LEMD1: variants seen among roughly 807,000 people sequenced by gnomAD.
The protein encoded by LEMD1 is LEM domain containing 1.
A neutral mutation model predicts 17.4 loss-of-function variants in LEMD1; 18 were observed. That is an observed-to-expected ratio of 1.04 (90% CI 0.72 to 1.54). The LOEUF is 1.54. Ranked by LOEUF, LEMD1 falls within the 40% of genes most tolerant of loss-of-function variation. The pLI, the probability that LEMD1 is intolerant of heterozygous loss-of-function variation, is 0.00. For synonymous variants in LEMD1, 88 were observed against 77.8 expected (o/e 1.13, Z -0.69); for missense variants, 195 against 210.4 (o/e 0.93, Z 0.45).
intron 1 of LEMD1, among the ~76,000 whole-genome samples, chr1:205,447,256 T>C (rs1295584572): frequency 6.6e-6 from 1 of 152,188 alleles, no homozygotes; most frequent in Non-Finnish European, 1.5e-5. Context: ...ATAAGTTAAA[T>C]AGGCTAACAG....
intron 4 of LEMD1, among the ~76,000 whole-genome samples, chr1:205,398,111 T>C (rs1330575336): frequency 6.6e-6 from 1 of 152,228 alleles, no homozygotes; most frequent in Non-Finnish European, 1.5e-5. Flanking sequence ...TTACATTCCT[T>C]GTAAAGATGG....
chr1:205,388,206 T>TC (rs1394435377), intron 4 of LEMD1, among the ~76,000 whole-genome samples: 1 of 151,982 alleles, frequency 6.6e-6, no homozygotes, highest in East Asian at 1.9e-4. Flanking sequence ...TTCTTTCTTT[T>TC]TTTTTTTTTT....
At chr1:205,420,411 C>T in intron 2 of LEMD1, 44 bp downstream of exon 2, 1 of 1,428,092 alleles carries the variant, frequency 7.0e-7, no homozygotes, top group Non-Finnish European at 9.9e-7. Context: ...TGTTTATAAA[C>T]CATAAATGAC....
At chr1:205,412,138 A>T (rs1665481338) in intron 4 of LEMD1, among the ~76,000 whole-genome samples, 1 of 152,096 alleles carries the variant, frequency 6.6e-6, no homozygotes, top group Non-Finnish European at 1.5e-5. Context: ...CGGCCACCTT[A>T]CTCAAAGCCC....
chr1:205,399,776 T>A (rs112068190), intron 4 of LEMD1, among the ~76,000 whole-genome samples: 1 of 152,228 alleles, frequency 6.6e-6, no homozygotes, highest in Non-Finnish European at 1.5e-5. Context: ...AAGAAATCAA[T>A]GAATTCATAC....
At chr1:205,407,321 C>T (rs1206531374) in intron 4 of LEMD1, among the ~76,000 whole-genome samples, 3 of 145,396 alleles carry the variant, frequency 2.1e-5, no homozygotes, top group African/African-American at 5.1e-5. Context: ...CACAGAAAGA[C>T]CCCATCTCAA....
At chr1:205,417,064 C>T (rs984123554) in intron 3 of LEMD1, among the ~76,000 whole-genome samples, 3 of 152,158 alleles carry the variant, frequency 2.0e-5, no homozygotes, top group African/African-American at 7.2e-5. Flanking sequence ...TACCCCCGTC[C>T]AGTTCATTAC....
At position 205,400,489 on chromosome 1, in the gene LEMD1, C is replaced by T. The variant is rs1028149633; in HGVS notation, c.270+15743G>A. 2.6e-5 allele frequency among the ~76,000 whole-genome samples: 4 copies of T among 152,122 alleles called. No individual in the cohort carries two copies. The East Asian group carries it at 5.8e-4, about 22-fold the overall frequency. On this transcript the variant is annotated intron_variant, in intron 4 of 5. Coordinates refer to ENST00000367153, the MANE Select transcript of LEMD1 (RefSeq NM_001199050.2). ...AGCGCCATTTCTAAAGAATTCCTGCCGAGAACGCATGGCCTCTAATACTAA... is the reference window on the plus strand; with the variant it reads ...AGCGCCATTTCTAAAGAATTCCTGCTGAGAACGCATGGCCTCTAATACTAA...
At chr1:205,411,334 G>C (rs967644348) in intron 4 of LEMD1, among the ~76,000 whole-genome samples, 9 of 151,868 alleles carry the variant, frequency 5.9e-5, no homozygotes, top group Non-Finnish European at 1.3e-4. Context: ...TTGGGAGGCC[G>C]AGGCGGGCGG....
chr1:205,411,332 C>T (rs1665403649), intron 4 of LEMD1, among the ~76,000 whole-genome samples: 1 of 151,458 alleles, frequency 6.6e-6, no homozygotes, highest in Non-Finnish European at 1.5e-5. Context: ...CTTTGGGAGG[C>T]CGAGGCGGGC....
intron 1 of LEMD1, chr1:205,449,747 C>T (rs894244150): frequency 1.3e-5 from 2 of 153,204 alleles, no homozygotes; most frequent in East Asian, 1.9e-4. Context: ...CTTCCTCTCT[C>T]ATGGGCCCCC....
At chr1:205,445,863 A>C (rs1666380711) in intron 1 of LEMD1, among the ~76,000 whole-genome samples, 1 of 152,130 alleles carries the variant, frequency 6.6e-6, no homozygotes, top group Non-Finnish European at 1.5e-5. Context: ...GGGGAGAGAG[A>C]CTTTTTTTCC....
At chr1:205,394,461 C>T (rs1028209076) in intron 4 of LEMD1, among the ~76,000 whole-genome samples, 5 of 151,920 alleles carry the variant, frequency 3.3e-5, no homozygotes, top group Non-Finnish European at 5.9e-5. Context: ...CTCGGCTCAC[C>T]ACAACCTCCA....
chr1:205,431,330 T>C (rs1001318978), intron 1 of LEMD1, among the ~76,000 whole-genome samples: 2 of 152,198 alleles, frequency 1.3e-5, no homozygotes, highest in African/African-American at 2.4e-5. Context: ...ACACTTGCGA[T>C]TCCTAATTTT....
At chr1:205,445,882 CTTTATA>C (rs1476936850) in intron 1 of LEMD1, among the ~76,000 whole-genome samples, 4 of 152,146 alleles carry the variant, frequency 2.6e-5, no homozygotes, top group Non-Finnish European at 4.4e-5. Context: ...CCCCAATAGT[CTTTATA>C]TTTAGGAAGG....
chr1:205,446,182 G>T (rs1666385086), intron 1 of LEMD1, among the ~76,000 whole-genome samples: 1 of 152,334 alleles, frequency 6.6e-6, no homozygotes, highest in Non-Finnish European at 1.5e-5. Context: ...ACAATCATGT[G>T]AAATATACAA....
chr1:205,413,997 G>A (rs1295712965), intron 4 of LEMD1, among the ~76,000 whole-genome samples: 2 of 152,112 alleles, frequency 1.3e-5, no homozygotes, highest in African/African-American at 4.8e-5. Flanking sequence ...GTGGTAGGGG[G>A]TGAGAAGAGT....
Position 205,381,739 on chromosome 1 carries a change from G to T in LEMD1, c.465C>A (p.Gly155=), listed in dbSNP as rs139341904. 1 of 1,614,108 alleles carries T rather than the reference G, an allele frequency of 6.2e-7. No individual in the cohort carries two copies. The highest frequency in any genetic ancestry group is 1.3e-5 in the African/African-American group (1 of 74,944). Residue 155 remains glycine (G), a synonymous_variant, in exon 6 of 6, where the codon GGC becomes GGA. Coordinates refer to ENST00000367153, the MANE Select transcript of LEMD1 (RefSeq NM_001199050.2). The part of the protein sequence containing the change: ...ESWREEGFPV[G]LKLAVLGIFI... The stretch of plus-strand genomic sequence containing the variant: ...AAATACCAAGCACAGCAAGCTTCAA[G>T]CCCACTGGGAAACCTTCTTCTCTCC...
chr1:205,420,692 A>G, intron 1 of LEMD1, 118 bp from the exon 2 acceptor site: 1 of 610,860 alleles, frequency 1.6e-6, no homozygotes, highest in Non-Finnish European at 2.9e-6. Flanking sequence ...TGCACAGGCA[A>G]TAAAGCAAAA....
Sources: gnomAD v4.1 joint callset for allele counts (sites outside exome capture counted in the v4.1 genomes callset) on GRCh38, gnomAD v4.1.1 for gene constraint, MANE v1.5 for transcripts, NCBI Gene and HGNC (gene_info 2026-07-23, HGNC 2026-07-21) for gene names.